Variants in SLC6A17 observed in about 807,000 individuals in gnomAD.
The protein encoded by SLC6A17 is solute carrier family 6 member 17.
In SLC6A17, 21 loss-of-function variants were observed where a neutral mutation model predicts 64.5. The observed-to-expected ratio is 0.33, with a 90% CI of 0.23 to 0.47. The LOEUF is 0.47. Among genes scored for constraint, SLC6A17 ranks in the 20% least tolerant of loss-of-function variants. The probability of loss-of-function intolerance (pLI) is 1.00; values close to 1 mark genes in which losing one functional copy is unlikely to be tolerated. For synonymous variants in SLC6A17, 372 were observed against 399.5 expected, an observed-to-expected ratio of 0.93 and a Z score of 0.82; for missense variants, 682 against 963.2, an observed-to-expected ratio of 0.71 and a Z score of 3.86.
Position 110,180,749 on chromosome 1 carries a change from G to A in SLC6A17, c.864+4010G>A, listed in dbSNP as rs528137580. Among the ~76,000 whole-genome samples, 71 of 152,246 alleles carry A rather than the reference G, an allele frequency of 4.7e-4. No homozygotes were observed. In the South Asian group the frequency reaches 5.4e-3, roughly 12 times the overall value. Reference sequence around the variant, plus strand: ...TACCAGGTCACTGCCCTAGCTGCCCGTGCTGTGCACTGCTCCATTCATATA... The same window carrying A: ...TACCAGGTCACTGCCCTAGCTGCCCATGCTGTGCACTGCTCCATTCATATA... On this transcript the variant is annotated intron_variant, in intron 6 of 11. Coordinates refer to ENST00000331565, the MANE Select transcript of SLC6A17 (RefSeq NM_001010898.4).
At chr1:110,164,582 T>A (rs930097802) in intron 1 of SLC6A17, among the ~76,000 whole-genome samples, 5 of 152,222 alleles carry the variant, frequency 3.3e-5, no homozygotes, top group Non-Finnish European at 7.3e-5. Context: ...CCTGCAGACC[T>A]AATGGCACAG....
intron 1 of SLC6A17, among the ~76,000 whole-genome samples, chr1:110,160,057 C>A (rs557150284): frequency 2.6e-5 from 4 of 152,334 alleles, no homozygotes; most frequent in African/African-American, 9.6e-5. Context: ...CCACTCTGTT[C>A]ATTTGATTTT....
At chr1:110,167,590 G>A (rs965497759) in intron 2 of SLC6A17, among the ~76,000 whole-genome samples, 2 of 152,144 alleles carry the variant, frequency 1.3e-5, no homozygotes, top group African/African-American at 2.4e-5. Context: ...TGGGCAACAC[G>A]CTACCTGACA....
At position 110,199,837 on chromosome 1, in the gene SLC6A17, A is replaced by C; in HGVS notation, c.*1393A>C. On this transcript the variant is annotated 3_prime_UTR_variant, in exon 12 of 12. Coordinates refer to ENST00000331565, the MANE Select transcript of SLC6A17 (RefSeq NM_001010898.4). ...CTGACCCAAGAGTAAATGTCTGCAGAGAGATGGATGGATGGATGGATAGAT... is the reference window on the plus strand; with the variant it reads ...CTGACCCAAGAGTAAATGTCTGCAGCGAGATGGATGGATGGATGGATAGAT... 1 of 389,766 alleles carries C rather than the reference A, an allele frequency of 2.6e-6. No individual in the cohort carries two copies. The allele number at this position is 389,766 out of a possible 1,614,324, so 24.1% of individuals were successfully genotyped here. A position where few individuals can be genotyped will look rare whatever the true frequency, so the allele number is the denominator to read the frequency against.
intron 10 of SLC6A17, 70 bp from the exon 11 acceptor site, chr1:110,197,367 A>G (rs1176101148): frequency 1.3e-6 from 2 of 1,537,310 alleles, no homozygotes; most frequent in African/African-American, 2.8e-5. Flanking sequence ...TCTGGAGGAG[A>G]TGGTGATGGG....
chr1:110,159,471 C>A, intron 1 of SLC6A17, among the ~76,000 whole-genome samples: 1 of 152,138 alleles, frequency 6.6e-6, no homozygotes, highest in Admixed American at 6.5e-5. Flanking sequence ...GATATTGACT[C>A]AAGAGAACAG....
At chr1:110,171,106 GATGTT>G (rs983235169) in intron 2 of SLC6A17, among the ~76,000 whole-genome samples, 7 of 152,218 alleles carry the variant, frequency 4.6e-5, no homozygotes, top group South Asian at 2.1e-4. Context: ...GAACATGTGG[GATGTT>G]ATGTTATGGG....
chr1:110,167,753 C>T (rs1463911507), intron 2 of SLC6A17, among the ~76,000 whole-genome samples: 2 of 152,174 alleles, frequency 1.3e-5, no homozygotes, highest in Non-Finnish European at 2.9e-5. Flanking sequence ...GTGATTCAAC[C>T]ATCGAATCCT....
chr1:110,165,951 G>A (rs1001786805), intron 1 of SLC6A17, among the ~76,000 whole-genome samples: 5 of 152,220 alleles, frequency 3.3e-5, no homozygotes, highest in Admixed American at 6.5e-5. Flanking sequence ...CAAAGGCTTC[G>A]TTTTCTTGGT....
At chr1:110,167,288 C>G (rs1282181988) in intron 2 of SLC6A17, 73 bp downstream of exon 2, 3 of 1,525,086 alleles carry the variant, frequency 2.0e-6, no homozygotes, top group South Asian at 1.3e-5. Flanking sequence ...AAAGAACACC[C>G]CTTTGCTGAG....
intron 6 of SLC6A17, among the ~76,000 whole-genome samples, chr1:110,187,392 G>A (rs1656713327): frequency 6.6e-6 from 1 of 152,196 alleles, no homozygotes; most frequent in African/African-American, 2.4e-5. Flanking sequence ...CTTGGTGTTT[G>A]CCTTATTTGA....
intron 6 of SLC6A17, among the ~76,000 whole-genome samples, chr1:110,182,451 A>G (rs1490441433): frequency 2.0e-5 from 3 of 151,946 alleles, no homozygotes; most frequent in African/African-American, 7.3e-5. Flanking sequence ...GGAGGTCTAC[A>G]TTTGGGAGTG....
Position 110,164,558 on chromosome 1 carries a change from C to T in SLC6A17, c.-87-2285C>T, listed in dbSNP as rs527863341. Among the ~76,000 whole-genome samples the T allele has an allele frequency of 4.6e-5, 7 of 152,350 alleles. No homozygotes were observed. In the East Asian group the frequency reaches 7.7e-4, roughly 17 times the overall value. On this transcript the variant is annotated intron_variant, in intron 1 of 11. Transcript: ENST00000331565. Reference sequence around the variant, plus strand: ...CAGTGCCTCAGCCTGGAGGTTTGTGCGAGCCCTTTGCATCCTGCAGACCTA... The same window carrying T: ...CAGTGCCTCAGCCTGGAGGTTTGTGTGAGCCCTTTGCATCCTGCAGACCTA...
chr1:110,170,440 C>T (rs188837542), intron 2 of SLC6A17, among the ~76,000 whole-genome samples: 8 of 152,272 alleles, frequency 5.3e-5, no homozygotes, highest in Non-Finnish European at 7.4e-5. Flanking sequence ...GCCGAGATCG[C>T]GCCACTGCCC....
chr1:110,159,596 G>A (rs1054456684), intron 1 of SLC6A17, among the ~76,000 whole-genome samples: 2 of 152,208 alleles, frequency 1.3e-5, no homozygotes, highest in African/African-American at 4.8e-5. Flanking sequence ...TGTGTGTCAG[G>A]ACTGTGCCCA....
intron 6 of SLC6A17, among the ~76,000 whole-genome samples, chr1:110,181,644 C>T (rs890259626): frequency 5.3e-5 from 8 of 152,186 alleles, no homozygotes; most frequent in African/African-American, 1.4e-4. Flanking sequence ...TTAGGGCATT[C>T]GGTGAGAAGA....
rs757710335 is a variant in SLC6A17, at chr1:110,172,071, G to C, written c.298G>C (p.Val100Leu). 11 of 1,614,060 alleles carry C rather than the reference G, an allele frequency of 6.8e-6. No homozygotes were observed. In the Admixed American group the frequency reaches 1.8e-4, roughly 27 times the overall value. Residue 100 changes from valine (V) to leucine (L), a missense_variant, in exon 3 of 12, where the codon GTG (valine) becomes CTG (leucine). By Grantham distance (32) the Val-to-Leu change is conservative. This residue lies in a region of SLC6A17 where 415 missense variants were observed against 603.8 expected (regional missense o/e 0.69). Coordinates refer to ENST00000331565, the MANE Select transcript of SLC6A17 (RefSeq NM_001010898.4). ...CQKNGGGAYL[V>L]PYLVLLIIIG... ...TGCTCTCCCCACAGGTGCTTACCTG[G>C]TGCCCTACCTGGTGCTGCTGATCAT... is the stretch of plus-strand genomic sequence containing the variant.
chr1:110,166,510 G>C (rs1219953263), intron 1 of SLC6A17, among the ~76,000 whole-genome samples: 1 of 152,240 alleles, frequency 6.6e-6, no homozygotes, highest in Non-Finnish European at 1.5e-5. Context: ...GGCCTCCAAA[G>C]GGGCTTGAGC....
intron 6 of SLC6A17, among the ~76,000 whole-genome samples, chr1:110,184,564 G>T (rs1656627731): frequency 6.6e-6 from 1 of 152,180 alleles, no homozygotes; most frequent in Admixed American, 6.5e-5. Context: ...GCACAGAAAG[G>T]GTGGATAACT....
Sources: allele counts gnomAD v4.1 joint callset (sites outside exome capture counted in the v4.1 genomes callset), GRCh38; gene constraint gnomAD v4.1.1; regional missense constraint gnomAD v4.1.1; transcripts MANE v1.5; gene names NCBI Gene and HGNC (gene_info 2026-07-23, HGNC 2026-07-21).